The following PLXNA2 variants were observed in gnomAD, a reference collection of about 807,000 sequenced individuals.
PLXNA2 encodes the protein plexin A2, also known as plexin-A2.
A neutral mutation model predicts 193.5 loss-of-function variants in PLXNA2; 91 were observed. That is an observed-to-expected ratio of 0.47 (90% CI 0.40 to 0.56). PLXNA2 has a LOEUF of 0.56. Among genes scored for constraint, PLXNA2 ranks in the 20% least tolerant of loss-of-function variants. The pLI is 0.00. For missense variants in PLXNA2, 1,995 were observed against 2,503.2 expected (o/e 0.80, Z 4.33); for synonymous variants, 997 against 1,027.3 (o/e 0.97, Z 0.56).
intron 3 of PLXNA2, among the ~76,000 whole-genome samples, chr1:208,144,819 C>G (rs534222525): frequency 1.6e-4 from 25 of 152,254 alleles, no homozygotes; most frequent in African/African-American, 5.8e-4. Flanking sequence ...AAAGCCCCTC[C>G]TTCCAGAAAT....
intron 4 of PLXNA2, among the ~76,000 whole-genome samples, chr1:208,123,180 T>C (rs1263655827): frequency 6.6e-6 from 1 of 152,198 alleles, no homozygotes; most frequent in East Asian, 1.9e-4. Context: ...CAGTACGTGA[T>C]CCTTTGTGAC....
intron 1 of PLXNA2, among the ~76,000 whole-genome samples, chr1:208,241,956 C>T (rs1429393168): frequency 6.6e-6 from 1 of 152,142 alleles, no homozygotes; most frequent in Non-Finnish European, 1.5e-5. Flanking sequence ...CCCCTTCAGC[C>T]TCCAGGCCAC....
chr1:208,088,667 T>C (rs1666615066), intron 9 of PLXNA2, among the ~76,000 whole-genome samples: 1 of 152,238 alleles, frequency 6.6e-6, no homozygotes, highest in Non-Finnish European at 1.5e-5. Context: ...GTCTGACTCA[T>C]TACCTTAAGA....
chr1:208,162,082 C>G (rs934318140), intron 3 of PLXNA2, among the ~76,000 whole-genome samples: 4 of 152,112 alleles, frequency 2.6e-5, no homozygotes, highest in Admixed American at 2.0e-4. Context: ...GCTTGTAGCT[C>G]CTTAGAGCTC....
intron 3 of PLXNA2, among the ~76,000 whole-genome samples, chr1:208,192,355 G>A (rs1670209394): frequency 6.6e-6 from 1 of 151,962 alleles, no homozygotes; most frequent in Non-Finnish European, 1.5e-5. Context: ...TATGGCAGGT[G>A]GTGACTGTGG....
chr1:208,231,686 C>T (rs921952360), intron 1 of PLXNA2, among the ~76,000 whole-genome samples: 2 of 152,188 alleles, frequency 1.3e-5, no homozygotes, highest in Admixed American at 1.3e-4. Flanking sequence ...CTAACGTACC[C>T]CTTACTCAAG....
chr1:208,095,781 G>T (rs537237063), intron 8 of PLXNA2, among the ~76,000 whole-genome samples: 1 of 152,214 alleles, frequency 6.6e-6, no homozygotes, highest in East Asian at 1.9e-4. Context: ...CTTGGCCTGA[G>T]AGTTGGGGGT....
chr1:208,180,550 T>C (rs1669808026), intron 3 of PLXNA2, among the ~76,000 whole-genome samples: 2 of 152,144 alleles, frequency 1.3e-5, no homozygotes, highest in Admixed American at 6.5e-5. Context: ...TTAACTTTCA[T>C]GTATCAGGCA....
chr1:208,199,479 T>C lies in PLXNA2; in HGVS notation c.1371+10801A>G, dbSNP rs1042078918. ...GGGCCAAGGTGGGTGGATCACAAGG[T>C]CAGGAGATCGAGACCATCCTGGCCA... On this transcript the variant is annotated intron_variant, in intron 3 of 31. Coordinates refer to ENST00000367033, the MANE Select transcript of PLXNA2 (RefSeq NM_025179.4). 5.9e-5 allele frequency among the ~76,000 whole-genome samples: 9 copies of C among 152,190 alleles called. No homozygotes were observed. The South Asian group carries it at 1.9e-3, about 32-fold the overall frequency.
At chr1:208,147,978 G>A (rs1668649539) in intron 3 of PLXNA2, among the ~76,000 whole-genome samples, 1 of 152,194 alleles carries the variant, frequency 6.6e-6, no homozygotes, top group African/African-American at 2.4e-5. Flanking sequence ...AGGAGCGTGT[G>A]AGGTAAAATC....
chr1:208,150,590 T>A (rs1475055480), intron 3 of PLXNA2, among the ~76,000 whole-genome samples: 1 of 152,054 alleles, frequency 6.6e-6, no homozygotes, highest in Non-Finnish European at 1.5e-5. Flanking sequence ...AGGGTTAGGG[T>A]GGGGAGATTG....
At chr1:208,088,691 G>A (rs1445943266) in intron 9 of PLXNA2, among the ~76,000 whole-genome samples, 1 of 152,232 alleles carries the variant, frequency 6.6e-6, no homozygotes, top group Non-Finnish European at 1.5e-5. Context: ...CTTGACAAAT[G>A]GTTTAATTGA....
At chr1:208,059,165 C>A (rs924112604) in intron 13 of PLXNA2, among the ~76,000 whole-genome samples, 2 of 152,174 alleles carry the variant, frequency 1.3e-5, no homozygotes, top group South Asian at 2.1e-4. Flanking sequence ...TGGCAGGGTG[C>A]GGGGCTCTGT....
chr1:208,072,051 G>C (rs1665994738), intron 12 of PLXNA2, among the ~76,000 whole-genome samples: 1 of 152,246 alleles, frequency 6.6e-6, no homozygotes, highest in Non-Finnish European at 1.5e-5. Flanking sequence ...GCCAGCAGGA[G>C]TGATGGATCA....
Position 208,044,507 on chromosome 1 carries a change from C to A in PLXNA2, c.3874+1G>T. ...GCAAATGAGGGTGTGCTTCCACTAA[C>A]CTTCCTTGCACTCCAAGGCCACACG... On this transcript the variant is annotated splice_donor_variant, in intron 20 of 31. Transcript: ENST00000367033. LOFTEE classifies it high-confidence loss of function. This position sits in a 1 kb window ranked among gnomAD's most constrained non-coding sequence, Gnocchi z 4.9. 1 of 1,610,026 alleles carries A rather than the reference C, an allele frequency of 6.2e-7. No individual in the cohort carries two copies. Among genetic ancestry groups the A allele is most frequent in the Non-Finnish European group, 8.5e-7 (1 of 1,176,292 alleles).
At chr1:208,077,049 G>GA (rs1052154330) in intron 12 of PLXNA2, among the ~76,000 whole-genome samples, 2 of 151,452 alleles carry the variant, frequency 1.3e-5, no homozygotes, top group Admixed American at 6.6e-5. Context: ...AAAATGAAAA[G>GA]AAAAAAAATA....
rs542656101 is a variant in PLXNA2, at chr1:208,217,217, C to G, written c.706G>C (p.Val236Leu). ...ATGTAGAAGATGTCAAAGTGGGAGA[C>G]CAGGGCCAGGGTGTCTGAAGGGATC... is the stretch of plus-strand genomic sequence containing the variant. ...IKIPSDTLAL[V>L]SHFDIFYIYG... Residue 236 changes from valine (V) to leucine (L), a missense_variant, in exon 2 of 32, where the codon GTC becomes CTC. Val to Leu is a conservative substitution (Grantham distance 32, BLOSUM62 1). Coordinates refer to ENST00000367033, the MANE Select transcript of PLXNA2 (RefSeq NM_025179.4). This position sits in a 1 kb window ranked among gnomAD's most constrained non-coding sequence, Gnocchi z 4.7. 4 of 1,614,110 alleles carry G rather than the reference C, an allele frequency of 2.5e-6. No individual in the cohort carries two copies. The African/African-American group carries it at 4.0e-5, about 16-fold the overall frequency.
chr1:208,072,362 C>T (rs1666003145), intron 12 of PLXNA2, among the ~76,000 whole-genome samples: 1 of 152,224 alleles, frequency 6.6e-6, no homozygotes, highest in South Asian at 2.1e-4. Context: ...ACTTCAGGAA[C>T]ACACAGTCAT....
At position 208,217,633 on chromosome 1, in the gene PLXNA2, G is replaced by A. The variant is rs1375555165; in HGVS notation, c.290C>T (p.Pro97Leu). 1 of 1,614,188 alleles carries A rather than the reference G, an allele frequency of 6.2e-7. No homozygotes were observed. Residue 97 changes from proline (P) to leucine (L), a missense_variant, in exon 2 of 32, where the codon CCC (proline) becomes CTC (leucine). Physicochemically the swap from Pro to Leu is moderately conservative, Grantham distance 98 (BLOSUM62 -3). Around this residue, in one of 3 missense-constraint regions of PLXNA2, gnomAD observed 702 missense variants for 812.9 expected, o/e 0.86. Transcript: ENST00000367033. This position sits in a 1 kb window ranked among gnomAD's most constrained non-coding sequence, Gnocchi z 4.7. ...PEEDNKSCYPPLIVQPCSEVL... is the reference protein window; with the variant it reads ...PEEDNKSCYPLLIVQPCSEVL... Reference sequence around the variant, plus strand: ...TTCGCTGCAGGGCTGCACGATGAGGGGCGGGTAACAAGACTTGTTGTCCTC... The same window carrying A: ...TTCGCTGCAGGGCTGCACGATGAGGAGCGGGTAACAAGACTTGTTGTCCTC...
Sources: gnomAD v4.1 joint callset for allele counts (sites outside exome capture counted in the v4.1 genomes callset) on GRCh38, gnomAD v4.1.1 for gene constraint, gnomAD v4.1.1 regional missense constraint, Gnocchi (gnomAD v3.1) non-coding constraint, MANE v1.5 for transcripts, NCBI Gene and HGNC (gene_info 2026-07-23, HGNC 2026-07-21) for gene names.